IL7: variants seen among roughly 807,000 people sequenced by gnomAD.
IL7 encodes interleukin-7.
A neutral mutation model predicts 21.6 loss-of-function variants in IL7; 3 were observed. That is an observed-to-expected ratio of 0.14 (90% CI 0.06 to 0.36). IL7 has a LOEUF of 0.36. Ranked by LOEUF, IL7 falls within the 10% of genes least tolerant of loss-of-function variation. The pLI, the probability that IL7 is intolerant of heterozygous loss-of-function variation, is 1.00. For missense variants in IL7, 175 were observed against 200.2 expected (o/e 0.87, Z 0.76); for synonymous variants, 62 against 68.1 (o/e 0.91, Z 0.44).
chr8:78,795,334 C>T (rs1431744147), intron 2 of IL7, among the ~76,000 whole-genome samples: 1 of 152,092 alleles, frequency 6.6e-6, no homozygotes, highest in African/African-American at 2.4e-5. Context: ...CTTTCTCCTT[C>T]CCTCAAATTT....
At chr8:78,680,364 C>G (rs1394227667) in intron 4 of IL7, among the ~76,000 whole-genome samples, 1 of 148,898 alleles carries the variant, frequency 6.7e-6, no homozygotes, top group African/African-American at 2.5e-5. Flanking sequence ...TGCCTTGTTA[C>G]CTAAAACTGT....
At chr8:78,798,006 G>A in intron 2 of IL7, 66 bp downstream of exon 2, 1 of 1,270,156 alleles carries the variant, frequency 7.9e-7, no homozygotes, top group South Asian at 1.6e-5. Flanking sequence ...TTATAAAACT[G>A]CATACCAAAA....
chr8:78,692,867 G>T (rs1363980025), intron 3 of IL7, among the ~76,000 whole-genome samples: 1 of 151,982 alleles, frequency 6.6e-6, no homozygotes, highest in East Asian at 1.9e-4. Flanking sequence ...ATCTCCTAAT[G>T]CTATCCCTCC....
chr8:78,740,669 A>C (rs909980624), intron 2 of IL7, among the ~76,000 whole-genome samples: 1 of 152,224 alleles, frequency 6.6e-6, no homozygotes, highest in African/African-American at 2.4e-5. Flanking sequence ...CAACTAATTA[A>C]TTGGATGTGC....
intron 3 of IL7, chr8:78,697,423 T>C (rs368633779): frequency 9.4e-6 from 15 of 1,600,160 alleles, no homozygotes; most frequent in Non-Finnish European, 1.2e-5. Flanking sequence ...CCACCCGCAC[T>C]TAAAAAGTCA....
At chr8:78,762,169 A>T in intron 2 of IL7, 1 of 1,593,552 alleles carries the variant, frequency 6.3e-7, no homozygotes, top group South Asian at 1.1e-5. Context: ...TGTTAAGATC[A>T]AATATTGTTG....
At position 78,739,876 on chromosome 8, in the gene IL7, A is replaced by C. The variant is rs1020459358; in HGVS notation, c.228+126T>G. The stretch of plus-strand genomic sequence containing the variant: ...AATTGGGCCATAGTATGATTTAATC[A>C]ATGGGAATTATGTGATCAGGCTGCA... On this transcript the variant is annotated intron_variant, in intron 3 of 5. Coordinates refer to ENST00000263851, the MANE Select transcript of IL7 (RefSeq NM_000880.4). 8.7e-6 allele frequency: 7 copies of C among 801,812 alleles called. No homozygotes were observed. The African/African-American group carries it at 1.1e-4, about 12-fold the overall frequency. 49.7% of individuals were successfully genotyped at this position (801,812 alleles called of 1,614,324 possible).
intron 2 of IL7, among the ~76,000 whole-genome samples, chr8:78,759,882 TG>T (rs772608473): frequency 7.2e-5 from 11 of 152,162 alleles, no homozygotes; most frequent in Non-Finnish European, 1.5e-4. Flanking sequence ...ATGACTTAAC[TG>T]AAACAATTCC....
chr8:78,789,553 A>G (rs1426794389), intron 2 of IL7, among the ~76,000 whole-genome samples: 24 of 152,136 alleles, frequency 1.6e-4, no homozygotes, highest in Admixed American at 1.6e-3. Context: ...ACTTCATTAA[A>G]GAGTTTTTAA....
At chr8:78,776,618 G>A (rs899837125) in intron 2 of IL7, among the ~76,000 whole-genome samples, 1 of 152,044 alleles carries the variant, frequency 6.6e-6, no homozygotes, top group Non-Finnish European at 1.5e-5. Flanking sequence ...AATTTAGAGA[G>A]CATTGTTGCA....
intron 2 of IL7, among the ~76,000 whole-genome samples, chr8:78,769,046 A>G (rs1318071761): frequency 6.6e-6 from 1 of 152,190 alleles, no homozygotes; most frequent in African/African-American, 2.4e-5. Flanking sequence ...AAATCATAAG[A>G]GCTATCTATG....
At chr8:78,782,846 G>A (rs190269625) in intron 2 of IL7, among the ~76,000 whole-genome samples, 86 of 152,224 alleles carry the variant, frequency 5.6e-4, no homozygotes, top group African/African-American at 2.0e-3. Context: ...CTCCATCCCA[G>A]GGGTATCAGA....
chr8:78,798,835 G>C (rs1474393332), intron 1 of IL7, among the ~76,000 whole-genome samples: 2 of 151,942 alleles, frequency 1.3e-5, no homozygotes, highest in Non-Finnish European at 2.9e-5. Context: ...CTGTCTCTGA[G>C]TCCCCAGAGA....
intron 2 of IL7, 64 bp downstream of exon 2, chr8:78,798,008 A>G: frequency 7.5e-7 from 1 of 1,329,364 alleles, no homozygotes; most frequent in Middle Eastern, 1.9e-4. Context: ...ATAAAACTGC[A>G]TACCAAAAAG....
intron 3 of IL7, among the ~76,000 whole-genome samples, chr8:78,687,962 T>TTATATATAAATATATATAAATTA (rs1810078558): frequency 6.9e-6 from 1 of 144,458 alleles, no homozygotes; most frequent in Non-Finnish European, 1.5e-5. Flanking sequence ...ATATCTATAT[T>TTATATATAAATATATATAAATTA]TATATATAAA....
chr8:78,803,098 A>T (rs757046642), intron 1 of IL7, among the ~76,000 whole-genome samples: 1 of 152,230 alleles, frequency 6.6e-6, no homozygotes, highest in Non-Finnish European at 1.5e-5. Flanking sequence ...TTAAAAAAAT[A>T]TTCAAACACT....
intron 6 of IL7, chr8:78,718,521 A>G (rs183054695): frequency 6.6e-6 from 1 of 151,986 alleles, no homozygotes; most frequent in Non-Finnish European, 1.5e-5. Flanking sequence ...TTGGAAGTAC[A>G]TGTAGTTATG....
At chr8:78,796,714 A>G (rs1456461991) in intron 2 of IL7, among the ~76,000 whole-genome samples, 2 of 152,012 alleles carry the variant, frequency 1.3e-5, no homozygotes, top group Non-Finnish European at 2.9e-5. Flanking sequence ...ATACTATGAC[A>G]AGCCTATTAA....
intron 2 of IL7, among the ~76,000 whole-genome samples, chr8:78,755,995 T>C (rs563452056): frequency 3.5e-4 from 53 of 152,092 alleles, no homozygotes; most frequent in African/African-American, 1.3e-3. Context: ...TGAGTTGCAA[T>C]ACTTTGTTTC....
Sources: allele counts gnomAD v4.1 joint callset (sites outside exome capture counted in the v4.1 genomes callset), GRCh38; gene constraint gnomAD v4.1.1; transcripts MANE v1.5; gene names NCBI Gene and HGNC (gene_info 2026-07-23, HGNC 2026-07-21).